The following MOCS1 variants were observed in gnomAD, a reference collection of about 807,000 sequenced individuals.
The protein encoded by MOCS1 is molybdenum cofactor biosynthesis protein 1.
In MOCS1, 39 loss-of-function variants were observed where a neutral mutation model predicts 57.6. The observed-to-expected ratio is 0.68, with a 90% confidence interval of 0.52 to 0.88. The LOEUF is 0.88. Ranked by LOEUF, MOCS1 falls within the 40% of genes least tolerant of loss-of-function variation. The probability of loss-of-function intolerance (pLI) is 0.00; values close to 1 mark genes in which losing one functional copy is unlikely to be tolerated. For missense variants in MOCS1, 795 were observed against 831.1 expected (o/e 0.96, Z 0.53); for synonymous variants, 334 against 335.7 (o/e 1.00, Z 0.05).
At chr6:39,928,748 T>A (rs1269013172) in intron 1 of MOCS1, among the ~76,000 whole-genome samples, 2 of 152,184 alleles carry the variant, frequency 1.3e-5, no homozygotes, top group East Asian at 3.8e-4. Context: ...GCTAAGGTTG[T>A]CTTGCTAGGA....
intron 1 of MOCS1, among the ~76,000 whole-genome samples, chr6:39,932,768 A>T (rs1768707344): frequency 6.6e-6 from 1 of 152,264 alleles, no homozygotes; most frequent in African/African-American, 2.4e-5. Flanking sequence ...ACATTTACAT[A>T]ACACAGCACT....
At chr6:39,927,738 G>T (rs767385136) in intron 1 of MOCS1, 1 of 1,517,894 alleles carries the variant, frequency 6.6e-7, no homozygotes, top group Admixed American at 2.0e-5. Context: ...GTGGAGGCAA[G>T]GGTGTGGGGA....
intron 3 of MOCS1, among the ~76,000 whole-genome samples, chr6:39,921,394 G>A (rs1262975597): frequency 2.6e-5 from 3 of 116,360 alleles, no homozygotes; most frequent in East Asian, 2.3e-4. Flanking sequence ...GCAAGACTAC[G>A]TCTAAAAAAA....
intron 1 of MOCS1, among the ~76,000 whole-genome samples, chr6:39,932,851 T>C (rs962571913): frequency 2.0e-5 from 3 of 152,258 alleles, no homozygotes; most frequent in Non-Finnish European, 4.4e-5. Flanking sequence ...TGACATCCTA[T>C]GAAGTAGACA....
In MOCS1 at chr6:39,908,127, G is replaced by A. The variant is rs1356560812; in HGVS notation, c.1150+928C>T. 3.9e-5 allele frequency among the ~76,000 whole-genome samples: 6 copies of A among 152,308 alleles called. No homozygotes were observed. The South Asian group carries it at 6.2e-4, about 16-fold the overall frequency. ...AGGAGATGAGAGTCTTCTTCCCAGT[G>A]GCAAGCTACCTTTGCTTTCCCGGGC... On this transcript the variant is annotated intron_variant, in intron 10 of 10. Coordinates refer to ENST00000340692, the MANE Select transcript of MOCS1 (RefSeq NM_001358530.2).
chr6:39,915,177 G>A (rs1214161416), intron 4 of MOCS1, among the ~76,000 whole-genome samples: 2 of 152,314 alleles, frequency 1.3e-5, no homozygotes, highest in South Asian at 2.1e-4. Context: ...ACAGGGCAAT[G>A]TCTTATGTGT....
chr6:39,910,319 T>C (rs1464214479), intron 8 of MOCS1, among the ~76,000 whole-genome samples: 1 of 152,200 alleles, frequency 6.6e-6, no homozygotes. Context: ...CCCCAACCAG[T>C]TGGAGCTGTG....
chr6:39,912,683 C>T (rs947089139), intron 7 of MOCS1, among the ~76,000 whole-genome samples: 3 of 152,202 alleles, frequency 2.0e-5, no homozygotes, highest in African/African-American at 7.2e-5. Flanking sequence ...TGTCCTCTGA[C>T]ATGTTACTGA....
Position 39,909,929 on chromosome 6 carries a change from T to C in MOCS1, c.1008A>G (p.Val336=). 1 of 1,613,786 alleles carries C rather than the reference T, an allele frequency of 6.2e-7. No individual in the cohort carries two copies. Among genetic ancestry groups the C allele is most frequent in the African/African-American group, 1.3e-5 (1 of 75,058 alleles). Reference sequence around the variant, plus strand: ...CAGCTCGCAGGTGATCCCGCAGGGATACCTCAGAGTTTCCAAAGAGGCAGA... The same window carrying C: ...CAGCTCGCAGGTGATCCCGCAGGGACACCTCAGAGTTTCCAAAGAGGCAGA... ...LKVCLFGNSE[V]SLRDHLRAGA... Residue 336 remains valine (V), a synonymous_variant, in exon 9 of 11, where the codon GTA becomes GTG. Coordinates refer to ENST00000340692, the MANE Select transcript of MOCS1 (RefSeq NM_001358530.2).
chr6:39,913,830 G>A lies in MOCS1; in HGVS notation c.589C>T (p.His197Tyr). The change falls in exon 5 of 11, where the codon CAC becomes TAC. Residue 197 changes from histidine (H) to tyrosine (Y), a missense_variant. Physicochemically the swap from His to Tyr is moderately conservative, Grantham distance 83. Transcript: ENST00000340692. Reference protein sequence around the residue: ...FEFIVRRKGFHKVMEGIHKAI... With the variant: ...FEFIVRRKGFYKVMEGIHKAI... ...TTGTGGATGCCCTCCATGACCTTGT[G>A]GAAGCCTGGGAGGGAGAAACAAGGA... 1 of 1,614,166 alleles carries A rather than the reference G, an allele frequency of 6.2e-7. No homozygotes were observed. Among genetic ancestry groups the A allele is most frequent in the Non-Finnish European group, 8.5e-7 (1 of 1,180,014 alleles).
Position 39,905,619 on chromosome 6 carries a change from G to T in MOCS1, c.*738C>A, listed in dbSNP as rs1173796279. 1 of 471,190 alleles carries T rather than the reference G, an allele frequency of 2.1e-6. No individual in the cohort carries two copies. Among genetic ancestry groups the T allele is most frequent in the Non-Finnish European group, 4.4e-6 (1 of 227,070 alleles). 29.2% of individuals were successfully genotyped at this position (471,190 alleles called of 1,614,324 possible). A position where few individuals can be genotyped will look rare whatever the true frequency, so the allele number is the denominator to read the frequency against. ...CCTGATATGCTCCAGAATAAAGAGG[G>T]GTGGGTGGAACAGCCGTGAACAGGG... On this transcript the variant is annotated 3_prime_UTR_variant, in exon 11 of 11. Coordinates refer to ENST00000340692, the MANE Select transcript of MOCS1 (RefSeq NM_001358530.2).
chr6:39,913,583 T>TCA (rs1441266556), intron 5 of MOCS1, 155 bp from the exon 6 acceptor site: 67 of 942,696 alleles, frequency 7.1e-5, no homozygotes, highest in Non-Finnish European at 1.0e-4. Flanking sequence ...TTCCTTGGGG[T>TCA]CACTGATTTT....
chr6:39,920,807 T>C (rs949734350), intron 3 of MOCS1, among the ~76,000 whole-genome samples: 3 of 151,360 alleles, frequency 2.0e-5, no homozygotes, highest in African/African-American at 4.9e-5. Flanking sequence ...GGCAAAACAC[T>C]GTCTCTACAA....
In MOCS1 at chr6:39,934,430, G is replaced by T; in HGVS notation, c.-13C>A. ...GCCGCGCCGCCATGAAGCCTGATAC[G>T]AGCGGAACCGCAGCCCGCTTCGGGA... On this transcript the variant is annotated 5_prime_UTR_variant, in exon 1 of 11. Coordinates refer to ENST00000340692, the MANE Select transcript of MOCS1 (RefSeq NM_001358530.2). The T allele has an allele frequency of 6.4e-7, 1 of 1,565,454 alleles. No individual in the cohort carries two copies. The highest frequency in any genetic ancestry group is 8.6e-7 in the Non-Finnish European group (1 of 1,161,940).
intron 3 of MOCS1, among the ~76,000 whole-genome samples, chr6:39,918,499 T>C (rs1339502691): frequency 6.6e-6 from 1 of 152,242 alleles, no homozygotes; most frequent in Non-Finnish European, 1.5e-5. Flanking sequence ...CGGATGTGAA[T>C]AACATTTACC....
At chr6:39,928,739 C>T (rs1198060488) in intron 1 of MOCS1, among the ~76,000 whole-genome samples, 2 of 152,098 alleles carry the variant, frequency 1.3e-5, no homozygotes, top group African/African-American at 2.4e-5. Context: ...CAGCTACAGG[C>T]TAAGGTTGTC....
intron 2 of MOCS1, 73 bp downstream of exon 2, chr6:39,927,256 G>T: frequency 6.4e-7 from 1 of 1,563,744 alleles, no homozygotes; most frequent in Non-Finnish European, 8.8e-7. Context: ...AGGATTTCCA[G>T]GCACAGGGAA....
chr6:39,915,751 G>T (rs978439206), intron 4 of MOCS1, among the ~76,000 whole-genome samples: 1 of 152,116 alleles, frequency 6.6e-6, no homozygotes. Flanking sequence ...ATCGTAGAAT[G>T]ACCAACTCGG....
intron 4 of MOCS1, among the ~76,000 whole-genome samples, chr6:39,914,304 G>A (rs183070709): frequency 1.3e-5 from 2 of 152,260 alleles, no homozygotes; most frequent in East Asian, 1.9e-4. Context: ...TGTAGTCTAC[G>A]GGAGGAAACC....
Sources: gnomAD v4.1 joint callset for allele counts (sites outside exome capture counted in the v4.1 genomes callset) on GRCh38, gnomAD v4.1.1 for gene constraint, MANE v1.5 for transcripts, NCBI Gene and HGNC (gene_info 2026-07-23, HGNC 2026-07-21) for gene names.